The following CCDC30 variants were observed in gnomAD, a reference collection of about 807,000 sequenced individuals.
The protein encoded by CCDC30 is coiled-coil domain-containing protein 30.
CCDC30 carries 70 observed loss-of-function variants against 100.2 expected under a neutral mutation model. The ratio of observed to expected loss-of-function variants is 0.70; its 90% CI spans 0.58 to 0.85. CCDC30 has a LOEUF of 0.85. CCDC30 is among the 40% of genes least tolerant of loss of function. CCDC30 has a pLI of 0.00. For missense variants in CCDC30, 652 were observed against 771.2 expected (o/e 0.85, Z 1.83); for synonymous variants, 233 against 269.5 (o/e 0.86, Z 1.33).
intron 10 of CCDC30, among the ~76,000 whole-genome samples, chr1:42,597,632 C>CAA (rs58717290): frequency 3.7e-4 from 54 of 146,746 alleles, no homozygotes; most frequent in Middle Eastern, 3.5e-3. Flanking sequence ...CCCATCCCTA[C>CAA]AAAAAAAAAA....
intron 7 of CCDC30, among the ~76,000 whole-genome samples, chr1:42,571,881 T>C (rs984688179): frequency 6.6e-5 from 10 of 152,246 alleles, no homozygotes; most frequent in African/African-American, 2.4e-4. Context: ...ACTTTGCCTT[T>C]GAACAGAGGG....
At chr1:42,483,946 A>T (rs562669820) in intron 3 of CCDC30, among the ~76,000 whole-genome samples, 5 of 152,144 alleles carry the variant, frequency 3.3e-5, no homozygotes, top group Admixed American at 3.3e-4. Context: ...TTATATTTAC[A>T]TCTTTGCTTT....
chr1:42,502,453 C>T (rs879834190), intron 6 of CCDC30, among the ~76,000 whole-genome samples: 22 of 152,344 alleles, frequency 1.4e-4, no homozygotes, highest in East Asian at 1.4e-3. Flanking sequence ...CGCCCTGCTT[C>T]GGCTCGTGCT....
intron 8 of CCDC30, among the ~76,000 whole-genome samples, chr1:42,579,928 C>T (rs1175990423): frequency 1.4e-5 from 2 of 142,510 alleles, no homozygotes; most frequent in East Asian, 2.2e-4. Flanking sequence ...AATATAGCAA[C>T]AGCACATCTC....
intron 11 of CCDC30, among the ~76,000 whole-genome samples, chr1:42,616,107 G>T (rs1646722928): frequency 6.6e-6 from 1 of 151,994 alleles, no homozygotes; most frequent in Non-Finnish European, 1.5e-5. Flanking sequence ...GTAGAGACAG[G>T]GTTTCGCCAT....
intron 15 of CCDC30, among the ~76,000 whole-genome samples, chr1:42,652,008 T>G (rs184618853): frequency 2.1e-4 from 32 of 152,164 alleles, no homozygotes; most frequent in African/African-American, 5.8e-4. Flanking sequence ...AAAGTGAAAA[T>G]AGAACTACCA....
At chr1:42,459,567 T>C, upstream of CCDC30, 1 of 1,561,298 alleles carries the variant, frequency 6.4e-7, no homozygotes, top group African/African-American at 1.4e-5. Flanking sequence ...GTAATGACCA[T>C]TGTTTGCTTA....
chr1:42,605,946 T>C (rs192696034), intron 10 of CCDC30, among the ~76,000 whole-genome samples: 56 of 152,178 alleles, frequency 3.7e-4, no homozygotes, highest in Non-Finnish European at 5.6e-4. Flanking sequence ...TTTTGGAAAA[T>C]TTTCTGGAGA....
At chr1:42,525,037 TTCTTA>T (rs1301451279) in intron 6 of CCDC30, among the ~76,000 whole-genome samples, 1 of 152,186 alleles carries the variant, frequency 6.6e-6, no homozygotes, top group Non-Finnish European at 1.5e-5. Context: ...CTCATAGTCA[TTCTTA>T]TCTTTGTTTT....
At chr1:42,584,317 C>T (rs1646025845) in intron 9 of CCDC30, among the ~76,000 whole-genome samples, 1 of 152,140 alleles carries the variant, frequency 6.6e-6, no homozygotes, top group Non-Finnish European at 1.5e-5. Flanking sequence ...AGGCCTGGCA[C>T]CAGTGGCTCA....
chr1:42,557,057 T>C (rs887180808), intron 6 of CCDC30, among the ~76,000 whole-genome samples: 2 of 152,210 alleles, frequency 1.3e-5, no homozygotes, highest in Non-Finnish European at 2.9e-5. Context: ...GGTTCTCTCT[T>C]ACACAAATTA....
intron 3 of CCDC30, among the ~76,000 whole-genome samples, chr1:42,489,428 A>G (rs2148464605): frequency 6.6e-6 from 1 of 152,288 alleles, no homozygotes; most frequent in African/African-American, 2.4e-5. Flanking sequence ...TTATCCTGGG[A>G]TTTACTCTAA....
chr1:42,578,493 G>T (rs7519637), intron 8 of CCDC30, among the ~76,000 whole-genome samples: 31,838 of 151,998 alleles, frequency 0.21, 3,616 homozygotes, highest in South Asian at 0.42. Flanking sequence ...TTCACCATAT[G>T]TATATATGTA....
chr1:42,634,254 A>C (rs78030401), intron 11 of CCDC30, among the ~76,000 whole-genome samples: 1 of 48,108 alleles, frequency 2.1e-5, no homozygotes, highest in Non-Finnish European at 5.1e-5. Context: ...TGTCTCAAAA[A>C]AAAAAAAAAA....
At chr1:42,626,180 C>CT (rs1168203785) in intron 11 of CCDC30, among the ~76,000 whole-genome samples, 1 of 152,004 alleles carries the variant, frequency 6.6e-6, no homozygotes, top group African/African-American at 2.4e-5. Flanking sequence ...TACTTCTGCT[C>CT]TTTTTTGGTT....
At chr1:42,579,081 C>T (rs1458039674) in intron 8 of CCDC30, among the ~76,000 whole-genome samples, 1 of 152,040 alleles carries the variant, frequency 6.6e-6, no homozygotes, top group Non-Finnish European at 1.5e-5. Context: ...GCCTCTGCCT[C>T]CCAGATTCAA....
intron 1 of CCDC30, among the ~76,000 whole-genome samples, chr1:42,472,452 TAA>T (rs1268927981): frequency 1.3e-5 from 2 of 152,178 alleles, no homozygotes. Flanking sequence ...ACATAAATTA[TAA>T]GACATATTCT....
At chr1:42,613,545 T>A (rs6673275) in intron 11 of CCDC30, among the ~76,000 whole-genome samples, 1 of 152,096 alleles carries the variant, frequency 6.6e-6, no homozygotes, top group Non-Finnish European at 1.5e-5. Context: ...TGAGCCACCG[T>A]GCCCGGCCTA....
intron 7 of CCDC30, among the ~76,000 whole-genome samples, chr1:42,573,348 T>C (rs1353739881): frequency 1.3e-5 from 2 of 152,170 alleles, no homozygotes; most frequent in Non-Finnish European, 2.9e-5. Context: ...TTGTTAGACA[T>C]ATTCACAGGT....
Sources: gnomAD v4.1 joint callset for allele counts (sites outside exome capture counted in the v4.1 genomes callset) on GRCh38, gnomAD v4.1.1 for gene constraint, MANE v1.5 for transcripts, NCBI Gene and HGNC (gene_info 2026-07-23, HGNC 2026-07-21) for gene names.